Variants in MYH16 observed in about 807,000 individuals in gnomAD.
MYH16 encodes myosin heavy chain 16.
chr7:99,271,799 G>C (rs909719641), intron 19 of MYH16, among the ~76,000 whole-genome samples: 16 of 152,236 alleles, frequency 1.1e-4, no homozygotes, highest in African/African-American at 2.9e-4. Flanking sequence ...TCTTGGGCTT[G>C]AGTGATACTC....
intron 33 of MYH16, among the ~76,000 whole-genome samples, chr7:99,295,503 G>A (rs1387846721): frequency 1.3e-5 from 2 of 152,086 alleles, no homozygotes; most frequent in African/African-American, 4.8e-5. Flanking sequence ...AAACTGAGTT[G>A]CCAGTCTCTA....
intron 12 of MYH16, chr7:99,261,298 G>C (rs1039353672): frequency 6.6e-6 from 1 of 152,444 alleles, no homozygotes; most frequent in African/African-American, 2.4e-5. Flanking sequence ...GGAGCACCAG[G>C]CACTGTTCCC....
intron 6 of MYH16, among the ~76,000 whole-genome samples, chr7:99,251,809 T>A (rs1482105200): frequency 6.6e-6 from 1 of 152,048 alleles, no homozygotes; most frequent in African/African-American, 2.4e-5. Context: ...CCGCCATCTC[T>A]ATAAAAAATA....
chr7:99,292,921 C>T (rs10240258), intron 32 of MYH16, among the ~76,000 whole-genome samples: 13,273 of 151,132 alleles, frequency 0.088, 1,611 homozygotes, highest in African/African-American at 0.27. Flanking sequence ...GATCGAGCCA[C>T]TGCACTCCAG....
At chr7:99,277,497 A>C in intron 20 of MYH16, 42 bp from the exon 3 acceptor site, 1 of 439,844 alleles carries the variant, frequency 2.3e-6, no homozygotes, top group Non-Finnish European at 4.6e-6. Context: ...CCCCCAGCAA[A>C]CCCCATTCTC....
intron 32 of MYH16, among the ~76,000 whole-genome samples, 195 bp from the exon 14 acceptor site, chr7:99,293,823 A>G (rs1354348684): frequency 7.8e-6 from 1 of 128,656 alleles, no homozygotes; most frequent in African/African-American, 4.5e-5. Context: ...AGGGTAGAGA[A>G]AGTAAGTGTT....
chr7:99,278,333 G>A (rs568284823), intron 21 of MYH16, among the ~76,000 whole-genome samples: 41 of 152,276 alleles, frequency 2.7e-4, no homozygotes, highest in Middle Eastern at 3.4e-3. Context: ...TGGTGGCCAC[G>A]AGATGGGGTG....
At chr7:99,272,396 C>A (rs1164962322) in intron 19 of MYH16, among the ~76,000 whole-genome samples, 3 of 152,056 alleles carry the variant, frequency 2.0e-5, no homozygotes, top group Non-Finnish European at 4.4e-5. Flanking sequence ...ACATCCCTGC[C>A]CTTGGAACCA....
At chr7:99,304,315 C>T (rs1214978657) in intron 39 of MYH16, among the ~76,000 whole-genome samples, 2 of 152,126 alleles carry the variant, frequency 1.3e-5, no homozygotes, top group Non-Finnish European at 2.9e-5. Context: ...CTCATGGAGA[C>T]AGCAGTCAGT....
chr7:99,304,365 G>A lies in MYH16; in HGVS notation n.5264-221G>A, dbSNP rs570847260. Reference sequence around the variant, plus strand: ...GTGTGCCCAGCTGCTGGGAGTCTGTGGGGATGGGAGGCATGAGCTTGGCTC... The same window carrying A: ...GTGTGCCCAGCTGCTGGGAGTCTGTAGGGATGGGAGGCATGAGCTTGGCTC... On this transcript the variant is annotated intron_variant and non_coding_transcript_variant, in intron 39 of 41. Transcript: ENST00000439784. Among the ~76,000 whole-genome samples the A allele has an allele frequency of 3.3e-5, 5 of 152,218 alleles. No homozygotes were observed. In the South Asian group the frequency reaches 1.0e-3, roughly 32 times the overall value.
chr7:99,256,597 A>G (rs931297012), intron 9 of MYH16, among the ~76,000 whole-genome samples: 2 of 152,202 alleles, frequency 1.3e-5, no homozygotes, highest in African/African-American at 4.8e-5. Context: ...AACATGGTGA[A>G]ACCCCGTCTG....
intron 20 of MYH16, among the ~76,000 whole-genome samples, chr7:99,277,110 CAGACAG>C (rs761078940): frequency 4.6e-5 from 7 of 151,796 alleles, no homozygotes; most frequent in African/African-American, 1.2e-4. Context: ...CAAAATGAGG[CAGACAG>C]AGACAGAAAC....
intron 20 of MYH16, among the ~76,000 whole-genome samples, chr7:99,275,709 T>C (rs956960708): frequency 1.3e-5 from 2 of 152,198 alleles, no homozygotes; most frequent in African/African-American, 4.8e-5. Flanking sequence ...TAATTAGACC[T>C]GACAGAACAA....
rs1405749762 is a variant in MYH16 at position 99,253,735 on chromosome 7, G to C, written n.802G>C. On this transcript the variant is annotated non_coding_transcript_exon_variant, in exon 8 of 42. Coordinates refer to ENST00000439784, the Ensembl canonical transcript of MYH16. Reference sequence around the variant, plus strand: ...CTTCACTTCTTTTTCAGATCTCTTAGAGAAATCTCGTGTCATCTCACAGCA... The same window carrying C: ...CTTCACTTCTTTTTCAGATCTCTTACAGAAATCTCGTGTCATCTCACAGCA... The C allele has an allele frequency of 2.9e-5, 5 of 170,002 alleles. No homozygotes were observed. In the East Asian group the frequency reaches 7.4e-4, roughly 25 times the overall value. 10.5% of individuals were successfully genotyped at this position (170,002 alleles called of 1,614,324 possible). A position where few individuals can be genotyped will look rare whatever the true frequency, so the allele number is the denominator to read the frequency against.
At chr7:99,267,210 A>T (rs1041350287) in intron 18 of MYH16, among the ~76,000 whole-genome samples, 8 of 152,172 alleles carry the variant, frequency 5.3e-5, no homozygotes, top group African/African-American at 1.9e-4. Flanking sequence ...AGGGGAACTC[A>T]ATCAATGGTA....
rs566888467 is a variant in MYH16, at chr7:99,296,054, T to G, written n.4283-647T>G. Among the ~76,000 whole-genome samples, 9 of 142,212 alleles carry G rather than the reference T, an allele frequency of 6.3e-5. No individual in the cohort carries two copies. In the East Asian group the frequency reaches 1.7e-3, roughly 26 times the overall value. The allele number at this position is 142,212 out of a possible 152,430, so 93.3% of individuals were successfully genotyped here. A position where few individuals can be genotyped will look rare whatever the true frequency, so the allele number is the denominator to read the frequency against. ...AGCTACTCAGGAGGCTGAGGCAGGA[T>G]AATCGCTTGAACCCAGGAGACGGAG... On this transcript the variant is annotated intron_variant and non_coding_transcript_variant, in intron 33 of 41. Transcript: ENST00000439784.
At chr7:99,245,427 A>G (rs1791716186) in intron 2 of MYH16, among the ~76,000 whole-genome samples, 1 of 152,198 alleles carries the variant, frequency 6.6e-6, no homozygotes, top group South Asian at 2.1e-4. Flanking sequence ...CTGTCCAGCA[A>G]GGAGAAGAGA....
chr7:99,284,093 C>T, intron 25 of MYH16, 75 bp downstream of exon 7: 3 of 390,460 alleles, frequency 7.7e-6, no homozygotes, highest in South Asian at 3.8e-5. Flanking sequence ...GTGCCAGGAG[C>T]CAGGCACTGT....
chr7:99,260,475 A>T, intron 12 of MYH16: 1 of 448,510 alleles, frequency 2.2e-6, no homozygotes, highest in Non-Finnish European at 4.2e-6. Context: ...CTAGCTCCCT[A>T]TCTGCAAAAT....
Sources: allele counts gnomAD v4.1 joint callset (sites outside exome capture counted in the v4.1 genomes callset), GRCh38; gene constraint gnomAD v4.1.1; transcripts MANE v1.5; gene names NCBI Gene and HGNC (gene_info 2026-07-23, HGNC 2026-07-21).